TMPRSS15: variants seen among roughly 807,000 people sequenced by gnomAD.
The protein encoded by TMPRSS15 is transmembrane serine protease 15, also known as enteropeptidase.
In TMPRSS15, 128 loss-of-function variants were observed where a neutral mutation model predicts 125.3. That is an observed-to-expected ratio of 1.02 (90% CI 0.89 to 1.18). The LOEUF is 1.18. TMPRSS15 is among the 50% of genes most tolerant of loss of function. The pLI is 0.00. For synonymous variants in TMPRSS15, 446 were observed against 423.2 expected, an observed-to-expected ratio of 1.05 and a Z score of -0.66; for missense variants, 1,283 against 1,212.7, an observed-to-expected ratio of 1.06 and a Z score of -0.86.
At chr21:18,351,098 T>C (rs2075564008) in intron 10 of TMPRSS15, among the ~76,000 whole-genome samples, 3 of 152,122 alleles carry the variant, frequency 2.0e-5, no homozygotes, top group Admixed American at 2.0e-4. Flanking sequence ...ATTAACTCTT[T>C]AAAGTCCTTT....
At chr21:18,392,604 C>T (rs1431621468) in intron 3 of TMPRSS15, among the ~76,000 whole-genome samples, 2 of 152,186 alleles carry the variant, frequency 1.3e-5, no homozygotes, top group Admixed American at 1.3e-4. Context: ...TTACCCAGTT[C>T]CAATGTCACT....
intron 1 of TMPRSS15, among the ~76,000 whole-genome samples, chr21:18,467,737 A>G (rs1055134528): frequency 1.3e-5 from 2 of 152,248 alleles, no homozygotes; most frequent in African/African-American, 4.8e-5. Flanking sequence ...ATCAGGAGCT[A>G]GAACCAGGGA....
At chr21:18,433,672 A>AAAG in intron 1 of TMPRSS15, among the ~76,000 whole-genome samples, 1 of 151,042 alleles carries the variant, frequency 6.6e-6, no homozygotes, top group East Asian at 1.9e-4. Flanking sequence ...TCAAAAAAAA[A>AAAG]AAAAAAAAAA....
chr21:18,387,846 T>A (rs548526231), intron 3 of TMPRSS15, among the ~76,000 whole-genome samples: 1 of 152,226 alleles, frequency 6.6e-6, no homozygotes, highest in East Asian at 1.9e-4. Flanking sequence ...GATTTATAGA[T>A]ATACAGTTGA....
Position 18,474,913 on chromosome 21 carries a change from T to A in TMPRSS15, c.10+10886A>T, listed in dbSNP as rs1220929343. Among the ~76,000 whole-genome samples, 3 of 152,134 alleles carry A rather than the reference T, an allele frequency of 2.0e-5. No homozygotes were observed. The East Asian group carries it at 5.8e-4, about 29-fold the overall frequency. On this transcript the variant is annotated intron_variant, in intron 1 of 7. Coordinates refer to the TMPRSS15 transcript ENST00000422787. Reference sequence around the variant, plus strand: ...AGAGCTCAATCTCAGATTATTAGAATCATGACGAATTTATCAGCCTCCCCA... The same window carrying A: ...AGAGCTCAATCTCAGATTATTAGAAACATGACGAATTTATCAGCCTCCCCA...
rs61425148 is a variant in TMPRSS15, at chr21:18,472,480, TAC to T, written c.10+13317_10+13318del. On this transcript the variant is annotated intron_variant, in intron 1 of 7. Transcript: ENST00000422787. ...TTATATATATATATATATATATATA[TAC>T]ACACACACACACATACACACACATA... Among the ~76,000 whole-genome samples the T allele has an allele frequency of 3.9e-4, 44 of 112,348 alleles. 1 individual carries two copies. The highest frequency in any genetic ancestry group is 1.1e-3 in the African/African-American group (36 of 32,502). 73.7% of individuals were successfully genotyped at this position (112,348 alleles called of 152,430 possible).
At chr21:18,409,130 G>T (rs1269600735) in intron 1 of TMPRSS15, among the ~76,000 whole-genome samples, 1 of 151,656 alleles carries the variant, frequency 6.6e-6, no homozygotes, top group Non-Finnish European at 1.5e-5. Context: ...TTTTTCCTTG[G>T]AATTCTGAAG....
chr21:18,312,364 A>T (rs1203673918), intron 18 of TMPRSS15, among the ~76,000 whole-genome samples: 2 of 151,634 alleles, frequency 1.3e-5, no homozygotes, highest in Non-Finnish European at 2.9e-5. Flanking sequence ...ATTAATTGGA[A>T]TTTTTACTTG....
chr21:18,274,163 T>C (rs1392367487), intron 24 of TMPRSS15, among the ~76,000 whole-genome samples: 1 of 152,122 alleles, frequency 6.6e-6, no homozygotes, highest in African/African-American at 2.4e-5. Context: ...TGCCAGAAAA[T>C]TTATTTACTA....
At chr21:18,293,761 C>A (rs930069098) in intron 21 of TMPRSS15, among the ~76,000 whole-genome samples, 17 of 152,142 alleles carry the variant, frequency 1.1e-4, no homozygotes, top group South Asian at 8.3e-4. Context: ...AGGTAGCAAT[C>A]AAAATAGATC....
intron 21 of TMPRSS15, among the ~76,000 whole-genome samples, chr21:18,290,343 T>A (rs2074818747): frequency 1.9e-5 from 1 of 51,844 alleles, no homozygotes; most frequent in Non-Finnish European, 4.9e-5. Context: ...TAACTGAAAT[T>A]AGTTAAATAG....
intron 8 of TMPRSS15, among the ~76,000 whole-genome samples, chr21:18,354,190 T>C (rs1277377875): frequency 6.6e-6 from 1 of 151,826 alleles, no homozygotes; most frequent in Non-Finnish European, 1.5e-5. Context: ...TAAGAAACAT[T>C]AGTTAAGCAG....
At chr21:18,339,416 C>T (rs1041082182) in intron 13 of TMPRSS15, among the ~76,000 whole-genome samples, 2 of 152,150 alleles carry the variant, frequency 1.3e-5, no homozygotes, top group Admixed American at 6.5e-5. Flanking sequence ...TAAAGCCACT[C>T]ATCTGAAAAG....
chr21:18,340,616 A>G (rs1245938774), intron 13 of TMPRSS15, among the ~76,000 whole-genome samples: 1 of 152,216 alleles, frequency 6.6e-6, no homozygotes, highest in African/African-American at 2.4e-5. Flanking sequence ...AAAATATTTT[A>G]GGTGATCTAT....
Position 18,468,407 on chromosome 21 carries a change from A to C in TMPRSS15, c.10+17392T>G, listed in dbSNP as rs574022533. Among the ~76,000 whole-genome samples, 49 of 152,276 alleles carry C rather than the reference A, an allele frequency of 3.2e-4. 1 individual carries two copies. The highest frequency in any genetic ancestry group is 6.5e-4 in the Non-Finnish European group (44 of 68,018). On this transcript the variant is annotated intron_variant, in intron 1 of 7. Coordinates refer to the TMPRSS15 transcript ENST00000422787. ...ACAATTGCAGGTTACTGAAGAAGAT[A>C]CTTCTCTTGTTTATTCATTATCTAT...
chr21:18,470,627 T>C lies in TMPRSS15; in HGVS notation c.10+15172A>G, dbSNP rs536322251. 2.0e-5 allele frequency among the ~76,000 whole-genome samples: 3 copies of C among 152,234 alleles called. No homozygotes were observed. In the East Asian group the frequency reaches 5.8e-4, roughly 29 times the overall value. ...CCCAGAGATTTCATGTATATCTCAGTTGAGTTGCACAGACTCTTTATTCTC... is the reference window on the plus strand; with the variant it reads ...CCCAGAGATTTCATGTATATCTCAGCTGAGTTGCACAGACTCTTTATTCTC... On this transcript the variant is annotated intron_variant, in intron 1 of 7. Transcript: ENST00000422787.
intron 1 of TMPRSS15, among the ~76,000 whole-genome samples, chr21:18,480,051 T>C (rs972450767): frequency 3.2e-4 from 48 of 152,020 alleles, no homozygotes; most frequent in African/African-American, 1.1e-3. Context: ...TGGAATACTA[T>C]GCAGCCATGA....
intron 5 of TMPRSS15, among the ~76,000 whole-genome samples, chr21:18,374,403 G>T (rs1311728931): frequency 3.4e-5 from 5 of 147,650 alleles, no homozygotes; most frequent in African/African-American, 1.2e-4. Flanking sequence ...AACCCGGGAA[G>T]CGGAGCTTGC....
intron 6 of TMPRSS15, among the ~76,000 whole-genome samples, chr21:18,365,871 A>C (rs918531866): frequency 4.1e-4 from 60 of 147,810 alleles, no homozygotes; most frequent in African/African-American, 1.5e-3. Context: ...AGTAGCTGGG[A>C]TTACAGGCGG....
Sources: gnomAD v4.1 joint callset for allele counts (sites outside exome capture counted in the v4.1 genomes callset) on GRCh38, gnomAD v4.1.1 for gene constraint, MANE v1.5 for transcripts, NCBI Gene and HGNC (gene_info 2026-07-23, HGNC 2026-07-21) for gene names.